Variants in SHISA6 observed in about 807,000 individuals in gnomAD.
SHISA6 encodes the protein protein shisa-6.
SHISA6 carries 22 observed loss-of-function variants against 47.9 expected under a neutral mutation model. That is an observed-to-expected ratio of 0.46 (90% CI 0.33 to 0.66). The LOEUF (loss-of-function observed/expected upper bound fraction) is 0.66. Ranked by LOEUF, SHISA6 falls within the 30% of genes least tolerant of loss-of-function variation. SHISA6 has a pLI of 0.02. For missense variants in SHISA6, 680 were observed against 764.6 expected, an observed-to-expected ratio of 0.89 and a Z score of 1.30; for synonymous variants, 388 against 337.8, an observed-to-expected ratio of 1.15 and a Z score of -1.63.
intron 3 of SHISA6, among the ~76,000 whole-genome samples, chr17:11,536,434 T>C (rs2071788958): frequency 6.6e-6 from 1 of 152,196 alleles, no homozygotes; most frequent in East Asian, 1.9e-4. Context: ...TTGCACATTC[T>C]CAAAAGAGCA....
At chr17:11,470,987 A>G (rs1229090716) in intron 3 of SHISA6, among the ~76,000 whole-genome samples, 1 of 152,160 alleles carries the variant, frequency 6.6e-6, no homozygotes, top group Non-Finnish European at 1.5e-5. Context: ...AGGCAGGTGG[A>G]TCACCTGAGG....
At chr17:11,409,392 G>A (rs1914051136) in intron 3 of SHISA6, among the ~76,000 whole-genome samples, 1 of 152,168 alleles carries the variant, frequency 6.6e-6, no homozygotes, top group African/African-American at 2.4e-5. Context: ...TAGTTCATGG[G>A]GCTCTTGTCC....
At chr17:11,451,687 C>T (rs556161918) in intron 3 of SHISA6, among the ~76,000 whole-genome samples, 2 of 152,224 alleles carry the variant, frequency 1.3e-5, no homozygotes, top group Admixed American at 6.5e-5. Context: ...GGGTATGCTC[C>T]GTGTTGGCTC....
chr17:11,356,341 T>G (rs557364538), intron 2 of SHISA6, among the ~76,000 whole-genome samples: 86 of 152,202 alleles, frequency 5.7e-4, no homozygotes, highest in African/African-American at 2.0e-3. Context: ...CTTCAGGTAG[T>G]CCCCTCCAGA....
chr17:11,563,439 A>C lies in SHISA6; in HGVS notation c.*5135A>C, dbSNP rs2193106. On this transcript the variant is annotated 3_prime_UTR_variant, in exon 6 of 6. Transcript: ENST00000441885. Reference sequence around the variant, plus strand: ...AGAATGGAGAGTCCAAGTTTGTGATATTCAAACCCATCTTGTAAATCAGCA... The same window carrying C: ...AGAATGGAGAGTCCAAGTTTGTGATCTTCAAACCCATCTTGTAAATCAGCA... The C allele has an allele frequency of 0.18, 26,776 of 151,980 alleles. 3,375 individuals carry two copies. The highest frequency in any genetic ancestry group is 0.36 in the African/African-American group (15,001 of 41,324). The allele number at this position is 151,980 out of a possible 1,614,324, so 9.4% of individuals were successfully genotyped here.
intron 3 of SHISA6, among the ~76,000 whole-genome samples, chr17:11,541,568 C>G (rs931401109): frequency 1.3e-5 from 2 of 152,126 alleles, no homozygotes; most frequent in Non-Finnish European, 2.9e-5. Context: ...ACCTATTTTC[C>G]CCTTCTATGA....
intron 1 of SHISA6, among the ~76,000 whole-genome samples, chr17:11,250,317 C>T (rs958348678): frequency 2.0e-5 from 3 of 152,292 alleles, no homozygotes; most frequent in South Asian, 2.1e-4. Context: ...TGCATTCAGA[C>T]GGGGTCACCA....
chr17:11,337,349 GGT>G (rs1369347098), intron 2 of SHISA6, among the ~76,000 whole-genome samples: 1 of 152,024 alleles, frequency 6.6e-6, no homozygotes, highest in African/African-American at 2.4e-5. Flanking sequence ...CCCACTGGAG[GGT>G]GTGTTATAGG....
At chr17:11,324,032 G>C (rs370856553) in intron 2 of SHISA6, among the ~76,000 whole-genome samples, 1 of 152,076 alleles carries the variant, frequency 6.6e-6, no homozygotes, top group Non-Finnish European at 1.5e-5. Flanking sequence ...ACATCTCAGC[G>C]TGCACACCCA....
intron 3 of SHISA6, among the ~76,000 whole-genome samples, chr17:11,454,527 CT>C (rs1410883129): frequency 6.6e-6 from 1 of 152,198 alleles, no homozygotes; most frequent in East Asian, 1.9e-4. Flanking sequence ...CAATTTTCCA[CT>C]TTCCTCTTCA....
intron 2 of SHISA6, among the ~76,000 whole-genome samples, chr17:11,301,779 A>G (rs571574821): frequency 4.0e-4 from 61 of 152,314 alleles, no homozygotes; most frequent in African/African-American, 1.3e-3. Context: ...GAGATTTCTC[A>G]TAAGGGGAAA....
At chr17:11,520,331 T>C (rs2071619457) in intron 3 of SHISA6, among the ~76,000 whole-genome samples, 1 of 152,206 alleles carries the variant, frequency 6.6e-6, no homozygotes, top group Non-Finnish European at 1.5e-5. Context: ...GCATCCCTAA[T>C]TTCCTTACAC....
At chr17:11,400,132 C>T (rs999091593) in intron 3 of SHISA6, among the ~76,000 whole-genome samples, 4 of 152,290 alleles carry the variant, frequency 2.6e-5, no homozygotes, top group African/African-American at 9.6e-5. Context: ...TTTCTTAACA[C>T]TTTTCCTTAA....
At chr17:11,554,273 C>A (rs534434670) in intron 4 of SHISA6, among the ~76,000 whole-genome samples, 1 of 152,268 alleles carries the variant, frequency 6.6e-6, no homozygotes, top group South Asian at 2.1e-4. Context: ...TCTTTCTGTA[C>A]AGCATGTTCT....
rs755661729 is a variant in SHISA6, at chr17:11,558,232, G to A, written c.1584G>A (p.Thr528=). The A allele has an allele frequency of 1.0e-5, 16 of 1,540,704 alleles. No homozygotes were observed. Among genetic ancestry groups the A allele is most frequent in the East Asian group, 9.8e-5 (4 of 40,912 alleles). The stretch of plus-strand genomic sequence containing the variant: ...CCTTTGCCTCACGCAGACACAACAC[G>A]GTGGAGCAGCTGCACTACATCCCGG... The part of the protein sequence containing the change: ...RHAFASRRHN[T]VEQLHYIPGH... Residue 528 remains threonine (T), a synonymous_variant, in exon 6 of 6, where the codon ACG becomes ACA. Transcript: ENST00000441885.
intron 3 of SHISA6, among the ~76,000 whole-genome samples, chr17:11,484,062 AAAATT>A: frequency 6.6e-6 from 1 of 152,364 alleles, no homozygotes; most frequent in Non-Finnish European, 1.5e-5. Context: ...CATATTTACA[AAAATT>A]AACCATATAT....
At chr17:11,467,333 C>A (rs3095672) in intron 3 of SHISA6, among the ~76,000 whole-genome samples, 53,971 of 151,842 alleles carry the variant, frequency 0.36, 9,915 homozygotes, top group African/African-American at 0.42. Context: ...ACCACCACCA[C>A]CAACACCACC....
At chr17:11,271,221 G>T (rs1485167433) in intron 2 of SHISA6, among the ~76,000 whole-genome samples, 2 of 151,966 alleles carry the variant, frequency 1.3e-5, no homozygotes, top group Non-Finnish European at 2.9e-5. Context: ...GAGGGGAGGG[G>T]TGCAGGAAGG....
chr17:11,323,528 C>G (rs1327527160), intron 2 of SHISA6, among the ~76,000 whole-genome samples: 1 of 151,996 alleles, frequency 6.6e-6, no homozygotes, highest in East Asian at 1.9e-4. Context: ...GTGGCGCATG[C>G]CTGTAATCCC....
Sources: gnomAD v4.1 joint callset for allele counts (sites outside exome capture counted in the v4.1 genomes callset) on GRCh38, gnomAD v4.1.1 for gene constraint, MANE v1.5 for transcripts, NCBI Gene and HGNC (gene_info 2026-07-23, HGNC 2026-07-21) for gene names.